Variants in DMD observed in about 807,000 individuals in gnomAD.
DMD encodes mutant dystrophin.
A neutral mutation model predicts 330.1 loss-of-function variants in DMD; 63 were observed. That is an observed-to-expected ratio of 0.19 (90% confidence interval 0.16 to 0.24). The LOEUF (loss-of-function observed/expected upper bound fraction) is 0.24. Among genes scored for constraint, DMD ranks in the 10% least tolerant of loss-of-function variants. The probability of loss-of-function intolerance (pLI) is 1.00; values close to 1 mark genes in which losing one functional copy is unlikely to be tolerated. For missense variants in DMD, 3,344 were observed against 2,684.1 expected (o/e 1.25, Z -5.43); for synonymous variants, 1,223 against 959.8 (o/e 1.27, Z -5.07).
chrX:33,259,654 C>T (rs1223153118), intron 1 of DMD, among the ~76,000 whole-genome samples: 1 of 86,200 alleles, frequency 1.2e-5, no homozygotes, highest in Admixed American at 1.5e-4. Flanking sequence ...GCAAGCATTT[C>T]GGATAATATA....
At chrX:31,630,685 GA>G (rs1042592323) in intron 54 of DMD, among the ~76,000 whole-genome samples, 1 of 109,303 alleles carries the variant, frequency 9.1e-6, no homozygotes, top group Non-Finnish European at 1.9e-5. Flanking sequence ...GAATCATAAA[GA>G]AAAAAAAGAT....
intron 67 of DMD, among the ~76,000 whole-genome samples, chrX:31,196,729 G>A (rs7057481): frequency 0.16 from 16,299 of 100,520 alleles, 1,083 homozygotes; most frequent in Middle Eastern, 0.25. Context: ...GCTGAGGCAG[G>A]AGAATCACTT....
chrX:32,729,529 G>T (rs1050420370), intron 7 of DMD, among the ~76,000 whole-genome samples: 1 of 111,532 alleles, frequency 9.0e-6, no homozygotes, highest in African/African-American at 3.3e-5. Context: ...TCCAAGAGGA[G>T]TATTATATGC....
intron 7 of DMD, among the ~76,000 whole-genome samples, chrX:32,739,759 G>C (rs1297493745): frequency 9.0e-6 from 1 of 110,824 alleles, no homozygotes; most frequent in Non-Finnish European, 1.9e-5. Flanking sequence ...TAGGGCAGCA[G>C]TTCTCATAGT....
At chrX:32,586,292 A>T (rs1157605243) in intron 13 of DMD, among the ~76,000 whole-genome samples, 1 of 109,766 alleles carries the variant, frequency 9.1e-6, no homozygotes. Flanking sequence ...TTTATATACT[A>T]ATGCAATCGA....
rs186080794 is a variant in DMD, at chrX:32,408,494, T to C, written c.4233+3258A>G. Among the ~76,000 whole-genome samples, 3 of 111,957 alleles carry C rather than the reference T, an allele frequency of 2.7e-5. No homozygotes were observed. In the East Asian group the frequency reaches 8.4e-4, roughly 31 times the overall value. On this transcript the variant is annotated intron_variant, in intron 30 of 78. Transcript: ENST00000357033. ...CATTTCCTTAGTGCCATAGCTTTTA[T>C]ATCTGAGGATCTCAAACGATCTTAA... is the stretch of plus-strand genomic sequence containing the variant.
Position 32,219,413 on chromosome X carries a change from G to A in DMD, c.6291-2350C>T, listed in dbSNP as rs189150953. 3.6e-5 allele frequency among the ~76,000 whole-genome samples: 4 copies of A among 112,076 alleles called. No homozygotes were observed. In the East Asian group the frequency reaches 1.1e-3, roughly 31 times the overall value. ...TCTAAAAATCTATGCAACATAGTTA[G>A]CATTGTTCCATACTGGTGAGACTAT... is the stretch of plus-strand genomic sequence containing the variant. On this transcript the variant is annotated intron_variant, in intron 43 of 78. Coordinates refer to ENST00000357033, the MANE Select transcript of DMD (RefSeq NM_004006.3).
At chrX:32,720,878 C>T (rs771057398) in intron 7 of DMD, among the ~76,000 whole-genome samples, 3 of 111,648 alleles carry the variant, frequency 2.7e-5, no homozygotes, top group Non-Finnish European at 5.7e-5. Flanking sequence ...CTTATTTCCT[C>T]ACCCTCACTA....
chrX:32,155,129 G>GTATTTTT (rs2096824454), intron 44 of DMD, among the ~76,000 whole-genome samples: 1 of 109,453 alleles, frequency 9.1e-6, no homozygotes, highest in Non-Finnish European at 1.9e-5. Context: ...ATGGAAGGAT[G>GTATTTTT]CATTTTTAAA....
intron 77 of DMD, among the ~76,000 whole-genome samples, chrX:31,129,839 A>G (rs2034247047): frequency 1.8e-5 from 2 of 112,212 alleles, no homozygotes; most frequent in African/African-American, 3.2e-5. Context: ...CTCTTCCATA[A>G]AAGAACCACA....
At position 31,732,646 on chromosome X, in the gene DMD, A is replaced by G. The variant is rs1011809916; in HGVS notation, c.7543-2898T>C. Among the ~76,000 whole-genome samples the G allele has an allele frequency of 2.7e-5, 3 of 110,855 alleles. No homozygotes were observed. In the Admixed American group the frequency reaches 2.9e-4, roughly 11 times the overall value. Reference sequence around the variant, plus strand: ...TCGAGCCACCCACAGATGAGAAAACACCTTAGATCTAATCATTACTCAAAC... The same window carrying G: ...TCGAGCCACCCACAGATGAGAAAACGCCTTAGATCTAATCATTACTCAAAC... On this transcript the variant is annotated intron_variant, in intron 51 of 78. Coordinates refer to ENST00000357033, the MANE Select transcript of DMD (RefSeq NM_004006.3).
At position 32,903,909 on chromosome X, in the gene DMD, T is replaced by C. The variant is rs756970976; in HGVS notation, c.94-54089A>G. ...TATAAATATTGACTCGAATTCAAAC[T>C]CTACTCCTGCCACTTTGTTGTTGTG... On this transcript the variant is annotated intron_variant, in intron 2 of 78. Transcript: ENST00000357033. Among the ~76,000 whole-genome samples, 14 of 111,758 alleles carry C rather than the reference T, an allele frequency of 1.3e-4. No individual in the cohort carries two copies. The East Asian group carries it at 3.9e-3, about 32-fold the overall frequency.
chrX:31,522,363 C>CTATATATATATATATATA lies in DMD; in HGVS notation c.8218-14928_8218-14911dup, dbSNP rs1556678891. On this transcript the variant is annotated intron_variant, in intron 55 of 78. Transcript: ENST00000357033. ...TCTCTCTCTCTCTCTCTCTCTCTCT[C>CTATATATATATATATATA]TATATATATATATATATATATATAG... Among the ~76,000 whole-genome samples the CTATATATATATATATATA allele has an allele frequency of 2.3e-3, 81 of 35,937 alleles. 3 individuals are homozygous for CTATATATATATATATATA. Among genetic ancestry groups the CTATATATATATATATATA allele is most frequent in the African/African-American group, 3.8e-3 (20 of 5,284 alleles). 31.2% of individuals were successfully genotyped at this position (35,937 alleles called of 115,157 possible).
chrX:32,058,689 G>T (rs1209945394), intron 44 of DMD, among the ~76,000 whole-genome samples: 1 of 109,716 alleles, frequency 9.1e-6, no homozygotes, highest in Non-Finnish European at 1.9e-5. Context: ...ACAATATGGA[G>T]TTTCCTCAAA....
chrX:31,688,144 AC>A (rs1360868501), intron 52 of DMD, among the ~76,000 whole-genome samples: 2 of 111,345 alleles, frequency 1.8e-5, no homozygotes, highest in Non-Finnish European at 3.8e-5. Context: ...AGATCCAGAC[AC>A]AAAAAACCCT....
chrX:33,194,442 GA>G (rs1341757657), intron 1 of DMD, among the ~76,000 whole-genome samples: 2 of 109,768 alleles, frequency 1.8e-5, no homozygotes, highest in Admixed American at 2.0e-4. Context: ...TAATTTAGTT[GA>G]AGATAATACA....
intron 1 of DMD, among the ~76,000 whole-genome samples, chrX:33,157,920 G>A (rs1008530045): frequency 3.6e-5 from 4 of 112,014 alleles, no homozygotes; most frequent in Non-Finnish European, 7.5e-5. Flanking sequence ...TCGCACCATT[G>A]CACTCCAGCC....
chrX:31,969,497 G>T (rs1004627051), intron 44 of DMD, among the ~76,000 whole-genome samples: 62 of 110,871 alleles, frequency 5.6e-4, no homozygotes, highest in African/African-American at 2.0e-3. Context: ...AATAATGTGC[G>T]TATGTAGAAA....
rs180784614 is a variant in DMD at position 32,241,779 on chromosome X, T to G, written c.6291-24716A>C. 7.1e-5 allele frequency among the ~76,000 whole-genome samples: 8 copies of G among 112,527 alleles called. No homozygotes were observed. The Admixed American group carries it at 7.5e-4, about 11-fold the overall frequency. On this transcript the variant is annotated intron_variant, in intron 43 of 78. Transcript: ENST00000357033. ...AAATATATCCTTTTTTATTTTCTAT[T>G]TTTTCATTGCTGTATTTTGGGAGCA...
Sources: allele counts gnomAD v4.1 joint callset (sites outside exome capture counted in the v4.1 genomes callset), GRCh38; gene constraint gnomAD v4.1.1; transcripts MANE v1.5; gene names NCBI Gene and HGNC (gene_info 2026-07-23, HGNC 2026-07-21).